The following SLC17A8 variants were observed in gnomAD, a reference collection of about 807,000 sequenced individuals.
SLC17A8 encodes the protein vesicular glutamate transporter 3.
A neutral mutation model predicts 58.0 loss-of-function variants in SLC17A8; 31 were observed. The ratio of observed to expected loss-of-function variants is 0.53; its 90% CI spans 0.40 to 0.72. SLC17A8 has a LOEUF of 0.72. Among genes scored for constraint, SLC17A8 ranks in the 30% least tolerant of loss-of-function variants. SLC17A8 has a pLI of 0.00. For synonymous variants in SLC17A8, 228 were observed against 249.0 expected (o/e 0.92, Z 0.79); for missense variants, 655 against 727.8 (o/e 0.90, Z 1.15).
At chr12:100,391,210 C>A in intron 3 of SLC17A8, 91 bp downstream of exon 3, 1 of 900,046 alleles carries the variant, frequency 1.1e-6, no homozygotes, top group East Asian at 2.4e-5. Context: ...TTTGGGGGTG[C>A]AGAATGAAAA....
intron 10 of SLC17A8, among the ~76,000 whole-genome samples, chr12:100,415,021 A>G (rs1952896303): frequency 6.6e-6 from 1 of 152,214 alleles, no homozygotes; most frequent in Admixed American, 6.5e-5. Flanking sequence ...TTGTGATGCA[A>G]AAGAGATCCA....
At chr12:100,395,380 C>T (rs1235835243) in intron 4 of SLC17A8, among the ~76,000 whole-genome samples, 1 of 148,916 alleles carries the variant, frequency 6.7e-6, no homozygotes, top group Non-Finnish European at 1.5e-5. Context: ...AGGCTGGAGG[C>T]AGTGGTGTGA....
intron 1 of SLC17A8, among the ~76,000 whole-genome samples, chr12:100,374,891 G>A (rs553915124): frequency 6.6e-6 from 1 of 152,126 alleles, no homozygotes; most frequent in South Asian, 2.1e-4. Flanking sequence ...TCCAACTGGA[G>A]AGCTGCTGTG....
rs7970087 is a variant in SLC17A8 at position 100,402,291 on chromosome 12, C to T, written c.764-49C>T. 5,730 of 1,604,494 alleles carry T rather than the reference C, an allele frequency of 3.6e-3. 176 individuals carry two copies. The African/African-American group carries it at 0.064, about 18-fold the overall frequency. On this transcript the variant is annotated intron_variant, in intron 6 of 11. Coordinates refer to ENST00000323346, the MANE Select transcript of SLC17A8 (RefSeq NM_139319.3). Reference sequence around the variant, plus strand: ...TGGTAAAAATTGAAAAATTTAGAAACGGAAGAAAATGAGACCATATAACCC... The same window carrying T: ...TGGTAAAAATTGAAAAATTTAGAAATGGAAGAAAATGAGACCATATAACCC...
intron 3 of SLC17A8, among the ~76,000 whole-genome samples, chr12:100,392,707 G>A (rs555912044): frequency 6.6e-6 from 1 of 152,170 alleles, no homozygotes; most frequent in Non-Finnish European, 1.5e-5. Flanking sequence ...GGAAGAAAAT[G>A]CTGCTTGCTC....
chr12:100,395,958 C>T (rs1593000533), intron 4 of SLC17A8, among the ~76,000 whole-genome samples: 2 of 152,318 alleles, frequency 1.3e-5, no homozygotes, highest in East Asian at 3.9e-4. Context: ...AGTCAAAGAT[C>T]AAGGTGCTGG....
At chr12:100,373,080 C>A (rs1197953911) in intron 1 of SLC17A8, among the ~76,000 whole-genome samples, 3 of 152,090 alleles carry the variant, frequency 2.0e-5, no homozygotes, top group Non-Finnish European at 4.4e-5. Flanking sequence ...GTTTGCTGGA[C>A]AACTGTGCCT....
chr12:100,373,850 A>T (rs1326195309), intron 1 of SLC17A8, among the ~76,000 whole-genome samples: 3 of 152,014 alleles, frequency 2.0e-5, no homozygotes, highest in Non-Finnish European at 4.4e-5. Context: ...CAGCCTTCCA[A>T]AGTGCTCAGA....
At chr12:100,410,158 G>A (rs1481009663) in intron 9 of SLC17A8, among the ~76,000 whole-genome samples, 2 of 152,082 alleles carry the variant, frequency 1.3e-5, no homozygotes, top group Non-Finnish European at 2.9e-5. Flanking sequence ...TCAGAAGTTG[G>A]AGACCAGCCT....
intron 4 of SLC17A8, among the ~76,000 whole-genome samples, chr12:100,394,427 A>G (rs1214595953): frequency 7.6e-6 from 1 of 130,934 alleles, no homozygotes; most frequent in Non-Finnish European, 1.6e-5. Flanking sequence ...TTTGAGATAG[A>G]GTCTCGCTCT....
intron 1 of SLC17A8, among the ~76,000 whole-genome samples, chr12:100,362,722 T>A (rs1342118985): frequency 6.6e-6 from 1 of 152,128 alleles, no homozygotes; most frequent in Non-Finnish European, 1.5e-5. Flanking sequence ...TCTCCAAGAC[T>A]CTATGGTTGT....
rs570284768 is a variant in SLC17A8 at position 100,363,413 on chromosome 12, G to C, written c.101+5921G>C. ...GGATGGAGTCCCACTCTGTCGCCCA[G>C]GCTGGATGCAGCGGCTTGATCTCAG... On this transcript the variant is annotated intron_variant, in intron 1 of 11. Transcript: ENST00000323346. Among the ~76,000 whole-genome samples, 3 of 152,244 alleles carry C rather than the reference G, an allele frequency of 2.0e-5. 1 individual carries two copies. The South Asian group carries it at 6.2e-4, about 32-fold the overall frequency.
chr12:100,390,940 T>TA, intron 2 of SLC17A8, 61 bp from the exon 3 acceptor site: 1 of 1,110,238 alleles, frequency 9.0e-7, no homozygotes, highest in Non-Finnish European at 1.4e-6. Context: ...GGCTCATTGG[T>TA]AAAAAATGGT....
At chr12:100,391,260 T>C in intron 3 of SLC17A8, 141 bp downstream of exon 3, 1 of 685,750 alleles carries the variant, frequency 1.5e-6, no homozygotes. Context: ...CAGATACTGA[T>C]CCCAAATGAC....
chr12:100,370,605 T>C (rs1181856719), intron 1 of SLC17A8, among the ~76,000 whole-genome samples: 1 of 96,756 alleles, frequency 1.0e-5, no homozygotes, highest in Admixed American at 1.2e-4. Flanking sequence ...CCAATTAATC[T>C]AAATTCTAAA....
chr12:100,418,921 T>C (rs915125575), intron 11 of SLC17A8, among the ~76,000 whole-genome samples: 1 of 152,258 alleles, frequency 6.6e-6, no homozygotes, highest in Non-Finnish European at 1.5e-5. Context: ...GAATTCATGT[T>C]TTCCATCTCT....
At position 100,421,336 on chromosome 12, in the gene SLC17A8, G is replaced by T. The variant is rs1952946792; in HGVS notation, c.*1177G>T. The T allele has an allele frequency of 6.6e-6, 1 of 152,052 alleles. No individual in the cohort carries two copies. The allele number at this position is 152,052 out of a possible 1,614,324, so 9.4% of individuals were successfully genotyped here. A position where few individuals can be genotyped will look rare whatever the true frequency, so the allele number is the denominator to read the frequency against. On this transcript the variant is annotated 3_prime_UTR_variant, in exon 12 of 12. Coordinates refer to ENST00000323346, the MANE Select transcript of SLC17A8 (RefSeq NM_139319.3). ...ATAAAATTATGATTTTGTATCAAAA[G>T]TATTCATGATGACTCTATTTGGAAT...
chr12:100,388,649 A>G (rs1952692675), intron 2 of SLC17A8, among the ~76,000 whole-genome samples: 1 of 152,248 alleles, frequency 6.6e-6, no homozygotes, highest in South Asian at 2.1e-4. Context: ...TGCATTCAGG[A>G]AGCACAGGAC....
At chr12:100,401,921 A>C (rs11568544) in intron 6 of SLC17A8, 58 bp downstream of exon 6, 10 of 1,369,238 alleles carry the variant, frequency 7.3e-6, no homozygotes, top group African/African-American at 1.4e-5. Context: ...ATTTTACTGC[A>C]TATGGGTTTG....
Sources: allele counts gnomAD v4.1 joint callset (sites outside exome capture counted in the v4.1 genomes callset), GRCh38; gene constraint gnomAD v4.1.1; transcripts MANE v1.5; gene names NCBI Gene and HGNC (gene_info 2026-07-23, HGNC 2026-07-21).